Variants in PITPNM2 observed in about 807,000 individuals in gnomAD.
PITPNM2 encodes phosphatidylinositol transfer protein membrane associated 2.
In PITPNM2, 35 loss-of-function variants were observed where a neutral mutation model predicts 132.2. The ratio of observed to expected loss-of-function variants is 0.26; its 90% CI spans 0.20 to 0.35. PITPNM2 has a LOEUF of 0.35. Among genes scored for constraint, PITPNM2 ranks in the 10% least tolerant of loss-of-function variants. The probability of loss-of-function intolerance (pLI) is 1.00; values close to 1 mark genes in which losing one functional copy is unlikely to be tolerated. For missense variants in PITPNM2, 1,332 were observed against 1,912.0 expected (o/e 0.70, Z 5.66); for synonymous variants, 738 against 799.2 (o/e 0.92, Z 1.29).
At chr12:123,039,777 G>A (rs926245680) in intron 2 of PITPNM2, among the ~76,000 whole-genome samples, 14 of 152,148 alleles carry the variant, frequency 9.2e-5, no homozygotes, top group Admixed American at 1.3e-4. Context: ...TGCTGAGAGT[G>A]GGGGAAGGGG....
intron 2 of PITPNM2, among the ~76,000 whole-genome samples, chr12:123,046,717 T>C (rs2040670340): frequency 6.6e-6 from 1 of 152,238 alleles, no homozygotes; most frequent in African/African-American, 2.4e-5. Flanking sequence ...TCTGGGCTTT[T>C]TCACTTGGCA....
chr12:123,122,926 A>T (rs547761819), intron 1 of PITPNM2, among the ~76,000 whole-genome samples: 1 of 152,388 alleles, frequency 6.6e-6, no homozygotes, highest in South Asian at 2.1e-4. Context: ...CACACATTGT[A>T]AGTGGGAGTG....
chr12:122,985,723 T>C lies in PITPNM2; in HGVS notation c.*304A>G. The stretch of plus-strand genomic sequence containing the variant: ...GGGCCCACACCTGGCACCAGGACAC[T>C]TGGAGATCCACACAGGGCAAAATGT... On this transcript the variant is annotated 3_prime_UTR_variant, in exon 26 of 26. Transcript: ENST00000320201. The C allele has an allele frequency of 6.7e-6, 2 of 298,912 alleles. No individual in the cohort carries two copies. The highest frequency in any genetic ancestry group is 1.5e-4 in the South Asian group (1 of 6,526). 18.5% of individuals were successfully genotyped at this position (298,912 alleles called of 1,614,324 possible).
At chr12:123,052,689 C>T (rs1030325734) in intron 2 of PITPNM2, among the ~76,000 whole-genome samples, 14 of 151,944 alleles carry the variant, frequency 9.2e-5, no homozygotes, top group Non-Finnish European at 1.5e-4. Flanking sequence ...TTCTTTTCTA[C>T]TCTTGAATCT....
chr12:122,995,024 C>G, intron 14 of PITPNM2, 45 bp from the exon 15 acceptor site: 4 of 1,514,118 alleles, frequency 2.6e-6, no homozygotes, highest in Non-Finnish European at 3.5e-6. Flanking sequence ...GTGCAGCTGC[C>G]ATCATCTGCC....
intron 1 of PITPNM2, among the ~76,000 whole-genome samples, chr12:123,145,963 T>C (rs1374685677): frequency 6.6e-6 from 1 of 152,160 alleles, no homozygotes; most frequent in African/African-American, 2.4e-5. Flanking sequence ...TAGTATAGAA[T>C]ACTATACAGT....
chr12:123,026,119 T>C (rs1222591858), intron 3 of PITPNM2, among the ~76,000 whole-genome samples: 1 of 152,240 alleles, frequency 6.6e-6, no homozygotes, highest in African/African-American at 2.4e-5. Context: ...GTCCCAACTC[T>C]GTGACCAGCT....
chr12:123,034,093 G>T (rs186149503), intron 3 of PITPNM2, among the ~76,000 whole-genome samples: 1 of 152,196 alleles, frequency 6.6e-6, no homozygotes, highest in East Asian at 1.9e-4. Flanking sequence ...ACCAGAAACC[G>T]CACTTGCCAG....
intron 2 of PITPNM2, among the ~76,000 whole-genome samples, chr12:123,051,291 G>C (rs554565302): frequency 3.5e-4 from 53 of 152,352 alleles, no homozygotes; most frequent in Non-Finnish European, 6.9e-4. Context: ...CAGGACTAGA[G>C]AGAAGTATTA....
At chr12:123,151,342 C>A (rs1373506937), upstream of PITPNM2, among the ~76,000 whole-genome samples, 1 of 151,880 alleles carries the variant, frequency 6.6e-6, no homozygotes, top group East Asian at 1.9e-4. Context: ...GGGGCGGCGG[C>A]GCGGATCCCC....
chr12:123,127,978 G>A (rs898061371), intron 1 of PITPNM2, among the ~76,000 whole-genome samples: 1 of 152,002 alleles, frequency 6.6e-6, no homozygotes, highest in Non-Finnish European at 1.5e-5. Context: ...GAGAGAGAAG[G>A]CATGCTTGTC....
At chr12:123,093,766 T>G (rs1444255069) in intron 2 of PITPNM2, among the ~76,000 whole-genome samples, 1 of 152,240 alleles carries the variant, frequency 6.6e-6, no homozygotes, top group African/African-American at 2.4e-5. Context: ...TCCATGGCTT[T>G]AATACCTCCA....
chr12:123,043,445 C>T (rs185351641), intron 2 of PITPNM2, among the ~76,000 whole-genome samples: 2 of 152,306 alleles, frequency 1.3e-5, no homozygotes, highest in African/African-American at 2.4e-5. Flanking sequence ...TCCTCTAACG[C>T]TGGCCTGGGC....
In PITPNM2 at chr12:122,995,478, C is replaced by T. The variant is rs745545254; in HGVS notation, c.1965G>A (p.Glu655=). ...TGCGGGGCAGTTGCCTTTTGGGGTC[C>T]TCAGTGCCGTTGCTGCGGGGGATGT... ...NVDIPRSNGT[E]DPKRQLPRKR... is the part of the protein sequence containing the mutation. Residue 655 remains glutamate (E), a synonymous_variant, in exon 14 of 26, where the codon GAG becomes GAA. Coordinates refer to ENST00000320201, the MANE Select transcript of PITPNM2 (RefSeq NM_020845.3). The T allele has an allele frequency of 5.0e-6, 8 of 1,613,902 alleles. No homozygotes were observed. The highest frequency in any genetic ancestry group is 6.8e-6 in the Non-Finnish European group (8 of 1,180,012).
intron 5 of PITPNM2, chr12:123,010,600 AG>A (rs2039150239): frequency 6.4e-6 from 1 of 156,876 alleles, no homozygotes; most frequent in African/African-American, 2.4e-5. Context: ...AGAATGTCCC[AG>A]CAGCACCGGC....
In PITPNM2 at chr12:122,986,545, G is replaced by T; in HGVS notation, c.3617C>A (p.Ala1206Glu). The change falls in exon 25 of 26, where the codon GCG becomes GAG. Residue 1206 changes from alanine to glutamate, a missense_variant. Transcript: ENST00000320201. ...CACGTCCTTGGTGGAGCCATAGGCC[G>T]CGTGCACGCGCAGGTGCAGCTGTGG... ...LISELHLRVHAAYGSTKDVAV... is the reference protein window; with the variant it reads ...LISELHLRVHEAYGSTKDVAV... The T allele has an allele frequency of 1.3e-6, 2 of 1,597,978 alleles. No homozygotes were observed. The highest frequency in any genetic ancestry group is 8.5e-7 in the Non-Finnish European group (1 of 1,169,978).
At chr12:123,137,453 T>C (rs1252498786) in intron 1 of PITPNM2, among the ~76,000 whole-genome samples, 1 of 152,170 alleles carries the variant, frequency 6.6e-6, no homozygotes, top group Admixed American at 6.5e-5. Context: ...ATACCTGCTC[T>C]GTGCCTGACC....
At chr12:123,102,699 T>C (rs1399971578) in intron 2 of PITPNM2, among the ~76,000 whole-genome samples, 1 of 152,176 alleles carries the variant, frequency 6.6e-6, no homozygotes. Context: ...AAGCTTGTCA[T>C]TAGAGCAGCC....
chr12:123,056,974 C>T (rs1043689122), intron 2 of PITPNM2, among the ~76,000 whole-genome samples: 2 of 152,204 alleles, frequency 1.3e-5, no homozygotes, highest in African/African-American at 4.8e-5. Flanking sequence ...TTGGACAAGT[C>T]AGAGTACTCA....
Sources: gnomAD v4.1 joint callset for allele counts (sites outside exome capture counted in the v4.1 genomes callset) on GRCh38, gnomAD v4.1.1 for gene constraint, MANE v1.5 for transcripts, NCBI Gene and HGNC (gene_info 2026-07-23, HGNC 2026-07-21) for gene names.